The following SAMMSON variants were observed in gnomAD, a reference collection of about 807,000 sequenced individuals.
The protein encoded by SAMMSON is long intergenic non-protein coding RNA 1212.
chr3:70,363,876 C>G (rs1482884399), intron 9 of SAMMSON, among the ~76,000 whole-genome samples: 1 of 151,138 alleles, frequency 6.6e-6, no homozygotes, highest in Non-Finnish European at 1.5e-5. Context: ...GTTTTCCACA[C>G]ATGTATTGAT....
At chr3:70,014,867 A>G (rs552073878) in intron 3 of SAMMSON, 2 of 152,334 alleles carry the variant, frequency 1.3e-5, no homozygotes, top group East Asian at 3.9e-4. Context: ...CTGAACACAG[A>G]GTAATACCAG....
intron 4 of SAMMSON, among the ~76,000 whole-genome samples, chr3:70,220,031 TAAAG>T (rs1348839395): frequency 3.3e-5 from 5 of 151,998 alleles, no homozygotes; most frequent in African/African-American, 4.8e-5. Flanking sequence ...ATTACAAAAA[TAAAG>T]AAAAGATTTT....
intron 8 of SAMMSON, among the ~76,000 whole-genome samples, chr3:70,354,503 C>A (rs895020151): frequency 6.6e-6 from 1 of 152,200 alleles, no homozygotes; most frequent in Admixed American, 6.5e-5. Flanking sequence ...CAGAATCAAC[C>A]CTTCATTCAG....
At chr3:70,294,727 A>C (rs1322042062) in intron 7 of SAMMSON, among the ~76,000 whole-genome samples, 2 of 152,144 alleles carry the variant, frequency 1.3e-5, no homozygotes, top group African/African-American at 4.8e-5. Context: ...AATCAATGGC[A>C]CAACACCACT....
At chr3:70,340,847 C>T (rs1280960041) in intron 7 of SAMMSON, among the ~76,000 whole-genome samples, 1 of 152,078 alleles carries the variant, frequency 6.6e-6, no homozygotes, top group Non-Finnish European at 1.5e-5. Flanking sequence ...AATCATAGTA[C>T]AACTACATCA....
intron 4 of SAMMSON, among the ~76,000 whole-genome samples, chr3:70,107,459 C>T (rs2067371132): frequency 6.6e-6 from 1 of 151,918 alleles, no homozygotes; most frequent in South Asian, 2.1e-4. Context: ...TGCCAATAAC[C>T]CTAGAAAGGA....
intron 9 of SAMMSON, among the ~76,000 whole-genome samples, chr3:70,380,338 A>G (rs56074032): frequency 0.13 from 20,394 of 152,110 alleles, 1,834 homozygotes; most frequent in Admixed American, 0.22. Flanking sequence ...AGATACGAGT[A>G]CAAAATCAAA....
chr3:70,126,545 G>T, intron 4 of SAMMSON: 1 of 559,040 alleles, frequency 1.8e-6, no homozygotes, highest in Non-Finnish European at 3.3e-6. Context: ...GTCGGCCGAG[G>T]CAGGGAAAGT....
intron 7 of SAMMSON, among the ~76,000 whole-genome samples, chr3:70,292,638 A>G (rs1702249682): frequency 6.6e-6 from 1 of 152,134 alleles, no homozygotes; most frequent in African/African-American, 2.4e-5. Flanking sequence ...AAAAATAACT[A>G]TTTAAACTCC....
intron 4 of SAMMSON, among the ~76,000 whole-genome samples, chr3:70,152,221 A>G (rs542832934): frequency 1.3e-5 from 2 of 151,708 alleles, no homozygotes; most frequent in Non-Finnish European, 2.9e-5. Context: ...GATACCATGA[A>G]AAAAAATCAT....
intron 4 of SAMMSON, among the ~76,000 whole-genome samples, chr3:70,222,018 G>A (rs1288093168): frequency 6.6e-6 from 1 of 152,096 alleles, no homozygotes; most frequent in Non-Finnish European, 1.5e-5. Context: ...TTCCATAGGC[G>A]AGTGCTTTGG....
intron 4 of SAMMSON, among the ~76,000 whole-genome samples, chr3:70,099,984 T>C (rs567262112): frequency 6.6e-6 from 1 of 152,294 alleles, no homozygotes; most frequent in Admixed American, 6.5e-5. Context: ...ACTTCACATA[T>C]GGCTTTGGTG....
intron 4 of SAMMSON, among the ~76,000 whole-genome samples, chr3:70,202,579 C>T (rs1023133192): frequency 4.6e-5 from 7 of 152,134 alleles, no homozygotes; most frequent in African/African-American, 1.7e-4. Flanking sequence ...TTGAAGTGCC[C>T]ACCTGGCTTT....
At chr3:70,355,968 G>A (rs1279096053) in intron 8 of SAMMSON, among the ~76,000 whole-genome samples, 1 of 152,048 alleles carries the variant, frequency 6.6e-6, no homozygotes. Flanking sequence ...AACTAGGAGA[G>A]ACAAAAAGAC....
intron 4 of SAMMSON, among the ~76,000 whole-genome samples, chr3:70,209,372 TAC>T (rs148768991): frequency 1.3e-5 from 2 of 151,828 alleles, no homozygotes; most frequent in African/African-American, 2.4e-5. Flanking sequence ...AGCACTGCTT[TAC>T]ACACACACAC....
At chr3:70,409,879 T>G (rs2106767972) in intron 2 of SAMMSON, among the ~76,000 whole-genome samples, 1 of 152,256 alleles carries the variant, frequency 6.6e-6, no homozygotes, top group South Asian at 2.1e-4. Context: ...GTTACATGGG[T>G]ATATTTTATG....
intron 7 of SAMMSON, among the ~76,000 whole-genome samples, chr3:70,331,099 C>T (rs570163014): frequency 1.3e-5 from 2 of 152,168 alleles, no homozygotes; most frequent in African/African-American, 4.8e-5. Flanking sequence ...TCTTCTTAGA[C>T]AAAACATGAA....
intron 9 of SAMMSON, among the ~76,000 whole-genome samples, chr3:70,372,829 G>A (rs1230278848): frequency 1.3e-5 from 2 of 152,120 alleles, no homozygotes; most frequent in African/African-American, 4.8e-5. Flanking sequence ...TCTAGCAGTT[G>A]CTCTAGCTGT....
At chr3:70,363,827 T>C (rs1037541071) in intron 9 of SAMMSON, among the ~76,000 whole-genome samples, 1 of 137,754 alleles carries the variant, frequency 7.3e-6, no homozygotes, top group Non-Finnish European at 1.6e-5. Flanking sequence ...TGTGTGTGTG[T>C]GCATGACAGA....
Sources: gnomAD v4.1 joint callset for allele counts (sites outside exome capture counted in the v4.1 genomes callset) on GRCh38, gnomAD v4.1.1 for gene constraint, MANE v1.5 for transcripts, NCBI Gene and HGNC (gene_info 2026-07-23, HGNC 2026-07-21) for gene names.